CSMD1: variants seen among roughly 807,000 people sequenced by gnomAD.
CSMD1 encodes CUB and Sushi multiple domains 1.
A neutral mutation model predicts 417.5 loss-of-function variants in CSMD1; 213 were observed. The ratio of observed to expected loss-of-function variants is 0.51; its 90% CI spans 0.46 to 0.57. The LOEUF is 0.57. Ranked by LOEUF, CSMD1 falls within the 20% of genes least tolerant of loss-of-function variation. CSMD1 has a pLI of 0.00. For missense variants in CSMD1, 6,923 were observed against 4,529.7 expected (o/e 1.53, Z -15.17); for synonymous variants, 2,862 against 1,736.8 (o/e 1.65, Z -16.11).
chr8:3,976,682 T>G (rs1253548671), intron 5 of CSMD1, among the ~76,000 whole-genome samples: 1 of 152,192 alleles, frequency 6.6e-6, no homozygotes, highest in African/African-American at 2.4e-5. Flanking sequence ...TTCCCTATTC[T>G]AAGATATTTT....
intron 1 of CSMD1, among the ~76,000 whole-genome samples, chr8:4,662,892 G>A (rs1385845966): frequency 6.6e-6 from 1 of 152,132 alleles, no homozygotes; most frequent in African/African-American, 2.4e-5. Flanking sequence ...TCCAAAATGA[G>A]TTAGCCAAAA....
intron 3 of CSMD1, among the ~76,000 whole-genome samples, chr8:4,274,003 AT>A (rs1191254960): frequency 6.6e-6 from 1 of 152,068 alleles, no homozygotes; most frequent in Admixed American, 6.6e-5. Flanking sequence ...AACCGCATGC[AT>A]TTTTTCAGCA....
chr8:4,922,137 G>A (rs1806538206), intron 1 of CSMD1, among the ~76,000 whole-genome samples: 1 of 151,990 alleles, frequency 6.6e-6, no homozygotes, highest in South Asian at 2.1e-4. Flanking sequence ...TGCCTTGCAG[G>A]TATCTCCCAC....
chr8:3,705,034 A>G (rs755481538), intron 7 of CSMD1, among the ~76,000 whole-genome samples: 18 of 152,192 alleles, frequency 1.2e-4, no homozygotes, highest in African/African-American at 1.9e-4. Context: ...AACATTTTCT[A>G]TCACCATGAC....
At chr8:3,967,389 G>A (rs1812749704) in intron 5 of CSMD1, among the ~76,000 whole-genome samples, 1 of 151,932 alleles carries the variant, frequency 6.6e-6, no homozygotes, top group Admixed American at 6.6e-5. Context: ...TTATTCTCTA[G>A]GGAGGTTGTC....
chr8:4,990,195 G>T (rs1435052442), intron 1 of CSMD1, among the ~76,000 whole-genome samples: 3 of 152,152 alleles, frequency 2.0e-5, no homozygotes, highest in Admixed American at 2.0e-4. Flanking sequence ...TCCGAAGAAA[G>T]ACTCCCTTTT....
At chr8:3,118,263 T>G in intron 42 of CSMD1, 136 bp downstream of exon 42, 1 of 648,542 alleles carries the variant, frequency 1.5e-6, no homozygotes, top group East Asian at 2.8e-5. Context: ...CTAAGTGGAG[T>G]GAGTAAAACA....
chr8:4,658,765 A>G (rs931749924), intron 1 of CSMD1, among the ~76,000 whole-genome samples: 1 of 152,136 alleles, frequency 6.6e-6, no homozygotes, highest in Non-Finnish European at 1.5e-5. Context: ...TATATGATTT[A>G]AAAGACAAAT....
At chr8:4,446,443 G>A (rs1372162939) in intron 2 of CSMD1, among the ~76,000 whole-genome samples, 7 of 152,102 alleles carry the variant, frequency 4.6e-5, no homozygotes, top group South Asian at 4.1e-4. Flanking sequence ...CGCTACTCAG[G>A]TGGCTGAGGT....
intron 68 of CSMD1, among the ~76,000 whole-genome samples, chr8:2,943,734 A>G (rs889060180): frequency 3.3e-5 from 5 of 152,202 alleles, no homozygotes; most frequent in Non-Finnish European, 7.3e-5. Flanking sequence ...ATAAAATATA[A>G]TTTTGAGATG....
intron 2 of CSMD1, among the ~76,000 whole-genome samples, chr8:4,550,371 C>T (rs1797818110): frequency 6.7e-6 from 1 of 150,232 alleles, no homozygotes; most frequent in African/African-American, 2.5e-5. Flanking sequence ...AAACCCGGTC[C>T]CTAGATGGCA....
At chr8:4,158,039 A>C (rs1796934553) in intron 3 of CSMD1, among the ~76,000 whole-genome samples, 2 of 151,862 alleles carry the variant, frequency 1.3e-5, no homozygotes, top group Admixed American at 1.3e-4. Flanking sequence ...TGCCTGCTCA[A>C]AGCTCCTGCT....
intron 2 of CSMD1, among the ~76,000 whole-genome samples, chr8:4,422,290 G>T (rs1221591881): frequency 6.6e-6 from 1 of 151,980 alleles, no homozygotes; most frequent in Non-Finnish European, 1.5e-5. Flanking sequence ...TAATTTTGTG[G>T]CATTGACACT....
chr8:3,120,418 G>T (rs1359271875), intron 41 of CSMD1, among the ~76,000 whole-genome samples: 3 of 152,204 alleles, frequency 2.0e-5, no homozygotes, highest in Admixed American at 1.3e-4. Flanking sequence ...CAAGATTAAT[G>T]TAAGTGCTGT....
chr8:4,101,657 T>A (rs17332525), intron 3 of CSMD1, among the ~76,000 whole-genome samples: 2 of 152,146 alleles, frequency 1.3e-5, no homozygotes, highest in African/African-American at 4.8e-5. Flanking sequence ...TCTTTCCAAA[T>A]AGAATGTTGA....
chr8:3,071,588 A>G (rs936466688), intron 49 of CSMD1, among the ~76,000 whole-genome samples: 3 of 152,230 alleles, frequency 2.0e-5, no homozygotes, highest in East Asian at 3.8e-4. Flanking sequence ...GCCCCAAAGT[A>G]ATTTTCAACC....
At chr8:3,161,222 T>A (rs113644117) in intron 38 of CSMD1, among the ~76,000 whole-genome samples, 1 of 152,306 alleles carries the variant, frequency 6.6e-6, no homozygotes, top group African/African-American at 2.4e-5. Flanking sequence ...AGAGTAGGCT[T>A]ACTCATGGTT....
intron 1 of CSMD1, among the ~76,000 whole-genome samples, chr8:4,693,205 C>A (rs989923185): frequency 6.6e-6 from 1 of 152,164 alleles, no homozygotes; most frequent in African/African-American, 2.4e-5. Context: ...TGTGAGACAC[C>A]ATGCTCACCC....
intron 3 of CSMD1, among the ~76,000 whole-genome samples, chr8:4,387,802 T>A (rs1037686209): frequency 1.3e-5 from 2 of 152,142 alleles, no homozygotes; most frequent in African/African-American, 4.8e-5. Context: ...ATTTTGAATA[T>A]GCACTTCAAA....
Sources: allele counts gnomAD v4.1 joint callset (sites outside exome capture counted in the v4.1 genomes callset), GRCh38; gene constraint gnomAD v4.1.1; transcripts MANE v1.5; gene names NCBI Gene and HGNC (gene_info 2026-07-23, HGNC 2026-07-21).